NHERF1: variants seen among roughly 807,000 people sequenced by gnomAD.
NHERF1 encodes Na(+)/H(+) exchange regulatory cofactor NHE-RF1.
the NHERF1 span, among the ~76,000 whole-genome samples, chr17:74,751,639 G>A: frequency 1.3e-5 from 2 of 152,172 alleles, no homozygotes; most frequent in Non-Finnish European, 2.9e-5. This position sits in a 1 kb window ranked among gnomAD's most constrained non-coding sequence, Gnocchi z 4.3. Flanking sequence ...TCTGCCCACC[G>A]GCTTTGCTTT....
chr17:74,753,211 A>C, the NHERF1 span, among the ~76,000 whole-genome samples: 3 of 152,168 alleles, frequency 2.0e-5, no homozygotes, highest in African/African-American at 7.2e-5. Flanking sequence ...CACTGCCTGC[A>C]GGGTTATTGG....
chr17:74,765,543 C>T, the NHERF1 span, among the ~76,000 whole-genome samples: 1 of 150,162 alleles, frequency 6.7e-6, no homozygotes, highest in Non-Finnish European at 1.5e-5. Context: ...CAAGTGTGAG[C>T]CACCGCGCCT....
the NHERF1 span, chr17:74,768,490 C>T: frequency 6.2e-7 from 1 of 1,614,140 alleles, no homozygotes; most frequent in Non-Finnish European, 8.5e-7. Flanking sequence ...GACAGCCCCC[C>T]AAAACAGGAC....
the NHERF1 span, among the ~76,000 whole-genome samples, chr17:74,749,686 G>A: frequency 6.6e-5 from 10 of 152,256 alleles, no homozygotes; most frequent in South Asian, 2.1e-4. This position sits in a 1 kb window ranked among gnomAD's most constrained non-coding sequence, Gnocchi z 5.6. Context: ...AGATGGGCCG[G>A]GGAGAAAGGG....
chr17:74,768,580 C>G, the NHERF1 span: 1 of 1,614,160 alleles, frequency 6.2e-7, no homozygotes, highest in Non-Finnish European at 8.5e-7. Context: ...AAAGAGAGGG[C>G]CCACCAGAAA....
At chr17:74,768,692 G>A in the NHERF1 span, 2 of 1,599,880 alleles carry the variant, frequency 1.3e-6, no homozygotes, top group South Asian at 1.1e-5. Context: ...GCAGGGCCGA[G>A]CCAGCATTCC....
the NHERF1 span, among the ~76,000 whole-genome samples, chr17:74,765,025 G>C: frequency 2.0e-5 from 3 of 152,132 alleles, no homozygotes. Flanking sequence ...TTCAGAAGAA[G>C]CCCTACACTG....
chr17:74,763,745 G>A, the NHERF1 span, among the ~76,000 whole-genome samples: 4 of 152,216 alleles, frequency 2.6e-5, no homozygotes, highest in South Asian at 8.3e-4. Flanking sequence ...GATGGGGTCA[G>A]CTGGCATGAG....
the NHERF1 span, chr17:74,749,098 C>T: frequency 1.4e-4 from 216 of 1,584,324 alleles, no homozygotes; most frequent in Non-Finnish European, 1.8e-4. This position sits in a 1 kb window ranked among gnomAD's most constrained non-coding sequence, Gnocchi z 5.6. Flanking sequence ...CCGCACTCAA[C>T]GCCGTGCGCC....
At chr17:74,762,143 A>G in the NHERF1 span, 1 of 1,614,136 alleles carries the variant, frequency 6.2e-7, no homozygotes, top group Non-Finnish European at 8.5e-7. This position sits in a 1 kb window ranked among gnomAD's most constrained non-coding sequence, Gnocchi z 4.2. Flanking sequence ...CTGAGGCTTC[A>G]GGGCTCCGGG....
chr17:74,751,484 G>T, the NHERF1 span, among the ~76,000 whole-genome samples: 1 of 152,336 alleles, frequency 6.6e-6, no homozygotes, highest in African/African-American at 2.4e-5. The surrounding 1 kb of genome is among the most constrained non-coding windows in gnomAD (Gnocchi z 4.3). Flanking sequence ...AAAGTGTGGC[G>T]CAGAGAGTGG....
At chr17:74,762,349 C>T in the NHERF1 span, among the ~76,000 whole-genome samples, 2 of 152,054 alleles carry the variant, frequency 1.3e-5, no homozygotes, top group African/African-American at 4.8e-5. This position sits in a 1 kb window ranked among gnomAD's most constrained non-coding sequence, Gnocchi z 4.2. Context: ...GATGGATAGA[C>T]GGAAGGACAG....
At chr17:74,761,264 C>G in the NHERF1 span, among the ~76,000 whole-genome samples, 1 of 152,218 alleles carries the variant, frequency 6.6e-6, no homozygotes. This position sits in a 1 kb window ranked among gnomAD's most constrained non-coding sequence, Gnocchi z 4.3. Flanking sequence ...TCAGGCTCCT[C>G]TGTTTCTGGG....
At chr17:74,752,903 G>C in the NHERF1 span, among the ~76,000 whole-genome samples, 1 of 152,370 alleles carries the variant, frequency 6.6e-6, no homozygotes, top group East Asian at 1.9e-4. Flanking sequence ...CTTGGCACAT[G>C]GTAGGGAGGC....
At chr17:74,749,206 C>T in the NHERF1 span, 3 of 1,525,296 alleles carry the variant, frequency 2.0e-6, no homozygotes, top group Non-Finnish European at 2.6e-6. This position sits in a 1 kb window ranked among gnomAD's most constrained non-coding sequence, Gnocchi z 5.6. Flanking sequence ...CGGGGCAGGC[C>T]GAGCCGCCGG....
chr17:74,768,341 C>T, the NHERF1 span: 5 of 1,375,784 alleles, frequency 3.6e-6, no homozygotes, highest in Middle Eastern at 1.9e-4. Flanking sequence ...CATGCTGAGC[C>T]GCATTCTGTT....
the NHERF1 span, chr17:74,748,859 G>C: frequency 6.3e-7 from 1 of 1,593,462 alleles, no homozygotes; most frequent in Non-Finnish European, 8.5e-7. This position sits in a 1 kb window ranked among gnomAD's most constrained non-coding sequence, Gnocchi z 4.3. Context: ...GAGCGCGGAC[G>C]CAGCGGCCGG....
the NHERF1 span, among the ~76,000 whole-genome samples, chr17:74,753,933 T>C: frequency 6.6e-6 from 1 of 151,612 alleles, no homozygotes; most frequent in Non-Finnish European, 1.5e-5. Context: ...GGTGGATCAG[T>C]TGAGGTCAGG....
chr17:74,755,767 C>T, the NHERF1 span, among the ~76,000 whole-genome samples: 3 of 152,098 alleles, frequency 2.0e-5, no homozygotes, highest in African/African-American at 4.8e-5. Flanking sequence ...GCGAGGCTCC[C>T]GGGCACTCGA....
Sources: gnomAD v4.1 joint callset for allele counts (sites outside exome capture counted in the v4.1 genomes callset) on GRCh38, gnomAD v4.1.1 for gene constraint, Gnocchi (gnomAD v3.1) non-coding constraint, MANE v1.5 for transcripts, NCBI Gene and HGNC (gene_info 2026-07-23, HGNC 2026-07-21) for gene names.